RAPGEF2: variants seen among roughly 807,000 people sequenced by gnomAD.
RAPGEF2 encodes the protein PDZ domain containing guanine nucleotide exchange factor (GEF) 1.
In RAPGEF2, 54 loss-of-function variants were observed where a neutral mutation model predicts 186.7. The observed-to-expected ratio is 0.29, with a 90% confidence interval of 0.23 to 0.36. The LOEUF (loss-of-function observed/expected upper bound fraction) is 0.36, where lower values mean the gene tolerates loss of function less well. RAPGEF2 is among the 10% of genes least tolerant of loss of function. RAPGEF2 has a pLI of 1.00. For synonymous variants in RAPGEF2, 712 were observed against 705.9 expected (o/e 1.01, Z -0.14); for missense variants, 1,532 against 2,045.0 (o/e 0.75, Z 4.84).
At position 159,331,967 on chromosome 4, in the gene RAPGEF2, G is replaced by A; in HGVS notation, c.1821G>A (p.Leu607=). The part of the protein sequence containing the change: ...VNGQNFENIQ[L]SKAMEILRNN... ...GCCAAAACTTTGAAAACATTCAGCT[G>A]TCAAAAGCTATGGAAATTCTTAGAA... Residue 607 remains leucine, a synonymous_variant, in exon 16 of 30, where the codon CTG becomes CTA. Coordinates refer to ENST00000691494, the MANE Select transcript of RAPGEF2 (RefSeq NM_001394067.2). 1.2e-6 allele frequency: 2 copies of A among 1,609,460 alleles called. No individual in the cohort carries two copies. The highest frequency in any genetic ancestry group is 1.7e-5 in the Admixed American group (1 of 59,394).
chr4:159,114,295 G>T (rs895785183), intron 1 of RAPGEF2, among the ~76,000 whole-genome samples: 1 of 151,898 alleles, frequency 6.6e-6, no homozygotes, highest in African/African-American at 2.4e-5. Context: ...GTAGAGACAG[G>T]GTTTCACCAT....
chr4:159,240,819 T>TC (rs1753896033), intron 5 of RAPGEF2, among the ~76,000 whole-genome samples: 1 of 150,612 alleles, frequency 6.6e-6, no homozygotes, highest in Non-Finnish European at 1.5e-5. Context: ...TTTTTTTTTT[T>TC]TTTTTTTCTT....
intron 25 of RAPGEF2, among the ~76,000 whole-genome samples, chr4:159,347,477 A>C (rs13147632): frequency 6.6e-5 from 10 of 152,116 alleles, no homozygotes; most frequent in Non-Finnish European, 1.3e-4. Context: ...ATTACACTTC[A>C]TCTTTCCTAC....
At chr4:159,328,696 T>C (rs1766266261) in intron 11 of RAPGEF2, 1 of 152,176 alleles carries the variant, frequency 6.6e-6, no homozygotes, top group Non-Finnish European at 1.5e-5. Context: ...TATTTTAAAA[T>C]GGCCAGCATG....
chr4:159,130,009 C>T (rs1352271877), intron 1 of RAPGEF2, among the ~76,000 whole-genome samples: 1 of 152,148 alleles, frequency 6.6e-6, no homozygotes, highest in Admixed American at 6.5e-5. Flanking sequence ...TGGGGATTTT[C>T]CCCAGAACTG....
chr4:159,326,932 T>A (rs1454152010), intron 11 of RAPGEF2: 1 of 152,260 alleles, frequency 6.6e-6, no homozygotes, highest in Admixed American at 6.5e-5. Flanking sequence ...TGGATACCCA[T>A]GTGCACAATT....
At chr4:159,347,485 T>A (rs1459125964) in intron 25 of RAPGEF2, among the ~76,000 whole-genome samples, 2 of 152,224 alleles carry the variant, frequency 1.3e-5, no homozygotes, top group African/African-American at 4.8e-5. Flanking sequence ...TCATCTTTCC[T>A]ACTAAAAGAA....
intron 4 of RAPGEF2, among the ~76,000 whole-genome samples, chr4:159,217,493 C>CTT (rs1254420288): frequency 3.3e-5 from 5 of 152,172 alleles, no homozygotes; most frequent in African/African-American, 1.2e-4. Flanking sequence ...TGATTCCATT[C>CTT]TTTTTTAAGG....
chr4:159,170,120 G>A (rs943085080), intron 1 of RAPGEF2, among the ~76,000 whole-genome samples: 1 of 151,002 alleles, frequency 6.6e-6, no homozygotes, highest in Non-Finnish European at 1.5e-5. Context: ...CATGTATGAG[G>A]TTTTGTTGTG....
At chr4:159,270,902 A>G (rs1659667104) in intron 7 of RAPGEF2, among the ~76,000 whole-genome samples, 1 of 152,212 alleles carries the variant, frequency 6.6e-6, no homozygotes, top group African/African-American at 2.4e-5. Flanking sequence ...CTTTTCAGTT[A>G]GTCTTCGGAG....
At chr4:159,202,980 TCA>T (rs1275199942) in intron 3 of RAPGEF2, among the ~76,000 whole-genome samples, 6 of 152,250 alleles carry the variant, frequency 3.9e-5, no homozygotes, top group Non-Finnish European at 8.8e-5. Context: ...AGTAGCATTT[TCA>T]CAGTTATTTT....
At chr4:159,349,074 T>G (rs563994114) in intron 25 of RAPGEF2, among the ~76,000 whole-genome samples, 2 of 152,354 alleles carry the variant, frequency 1.3e-5, no homozygotes, top group South Asian at 4.1e-4. Context: ...TTTTTAAATC[T>G]GTGTATGATG....
chr4:159,159,548 A>C lies in RAPGEF2; in HGVS notation c.70-27094A>C, dbSNP rs1744478360. 4.0e-5 allele frequency among the ~76,000 whole-genome samples: 6 copies of C among 150,454 alleles called. No individual in the cohort carries two copies. In the South Asian group the frequency reaches 1.1e-3, roughly 27 times the overall value. On this transcript the variant is annotated intron_variant, in intron 1 of 29. Coordinates refer to ENST00000691494, the MANE Select transcript of RAPGEF2 (RefSeq NM_001394067.2). ...AATTCTTTTATTTTGATTTAAGTACATATAGTGGGATCAACCTATAGATGT... is the reference window on the plus strand; with the variant it reads ...AATTCTTTTATTTTGATTTAAGTACCTATAGTGGGATCAACCTATAGATGT...
At chr4:159,169,266 A>G (rs1745650744) in intron 1 of RAPGEF2, among the ~76,000 whole-genome samples, 1 of 152,202 alleles carries the variant, frequency 6.6e-6, no homozygotes, top group African/African-American at 2.4e-5. Context: ...GTTTAATTAA[A>G]TACTCAATTA....
intron 3 of RAPGEF2, among the ~76,000 whole-genome samples, chr4:159,205,677 C>T (rs551409559): frequency 1.3e-5 from 2 of 152,156 alleles, no homozygotes; most frequent in African/African-American, 4.8e-5. Context: ...GTAGCACTTC[C>T]CTCTTTGCTT....
chr4:159,342,913 G>A, intron 20 of RAPGEF2, 66 bp from the exon 21 acceptor site: 1 of 1,361,930 alleles, frequency 7.3e-7, no homozygotes, highest in Non-Finnish European at 1.0e-6. Flanking sequence ...GATGTTATAT[G>A]TCAATAAATA....
At chr4:159,224,753 A>C (rs1011586516) in intron 4 of RAPGEF2, among the ~76,000 whole-genome samples, 1 of 152,246 alleles carries the variant, frequency 6.6e-6, no homozygotes, top group Non-Finnish European at 1.5e-5. Context: ...AGATCTGGTA[A>C]AGTTGAAACC....
chr4:159,312,822 G>A (rs894959994), intron 8 of RAPGEF2, among the ~76,000 whole-genome samples: 3 of 152,120 alleles, frequency 2.0e-5, no homozygotes, highest in Non-Finnish European at 4.4e-5. Flanking sequence ...GATATGAACC[G>A]GGACTTTACA....
chr4:159,346,630 A>G (rs542006569), intron 24 of RAPGEF2, among the ~76,000 whole-genome samples, 159 bp from the exon 25 acceptor site: 38 of 152,324 alleles, frequency 2.5e-4, no homozygotes, highest in African/African-American at 8.7e-4. Context: ...AGGGTCCCCC[A>G]TCCATTTTCT....
Sources: allele counts gnomAD v4.1 joint callset (sites outside exome capture counted in the v4.1 genomes callset), GRCh38; gene constraint gnomAD v4.1.1; transcripts MANE v1.5; gene names NCBI Gene and HGNC (gene_info 2026-07-23, HGNC 2026-07-21).